UBE2W: variants seen among roughly 807,000 people sequenced by gnomAD.
UBE2W encodes the protein ubiquitin conjugating enzyme E2 W.
A neutral mutation model predicts 27.2 loss-of-function variants in UBE2W; 18 were observed. The observed-to-expected ratio is 0.66, with a 90% CI of 0.46 to 0.98. UBE2W has a LOEUF of 0.98. UBE2W is among the 50% of genes least tolerant of loss of function. UBE2W has a pLI of 0.00. For missense variants in UBE2W, 90 were observed against 180.2 expected, an observed-to-expected ratio of 0.50 and a Z score of 2.87; for synonymous variants, 53 against 57.2, an observed-to-expected ratio of 0.93 and a Z score of 0.33.
chr8:73,827,147 A>G (rs1286657307), intron 2 of UBE2W, among the ~76,000 whole-genome samples: 1 of 152,236 alleles, frequency 6.6e-6, no homozygotes, highest in Admixed American at 6.5e-5. Context: ...AATCCTTGTA[A>G]TATCTGCATG....
At chr8:73,864,879 C>T (rs571803569) in intron 1 of UBE2W, among the ~76,000 whole-genome samples, 1 of 151,778 alleles carries the variant, frequency 6.6e-6, no homozygotes, top group East Asian at 1.9e-4. Flanking sequence ...TGGGATTACA[C>T]GAATGAGCCA....
At chr8:73,822,469 T>C (rs190016166) in intron 3 of UBE2W, among the ~76,000 whole-genome samples, 2 of 152,046 alleles carry the variant, frequency 1.3e-5, no homozygotes, top group Non-Finnish European at 2.9e-5. Context: ...AATCATCTGT[T>C]GCCTGAGAGC....
At chr8:73,797,097 T>A (rs886305754) in intron 5 of UBE2W, among the ~76,000 whole-genome samples, 3 of 152,218 alleles carry the variant, frequency 2.0e-5, no homozygotes, top group African/African-American at 7.2e-5. Flanking sequence ...CTTTCAAATA[T>A]AACATACAAG....
At chr8:73,803,389 T>C (rs1459278343) in intron 5 of UBE2W, among the ~76,000 whole-genome samples, 1 of 152,200 alleles carries the variant, frequency 6.6e-6, no homozygotes, top group Non-Finnish European at 1.5e-5. Context: ...AAATGTTATA[T>C]TCAACTGGGC....
At chr8:73,794,902 A>AATGGG (rs1359662356) in intron 5 of UBE2W, among the ~76,000 whole-genome samples, 1 of 151,822 alleles carries the variant, frequency 6.6e-6, no homozygotes, top group Non-Finnish European at 1.5e-5. Context: ...GCTTTCAGCA[A>AATGGG]GTATAGATAC....
chr8:73,835,327 A>G (rs1464715908), intron 1 of UBE2W, among the ~76,000 whole-genome samples: 2 of 152,182 alleles, frequency 1.3e-5, no homozygotes, highest in Non-Finnish European at 1.5e-5. Context: ...AATTCCCAAC[A>G]AACTCTAAAG....
chr8:73,860,776 AAAC>A (rs1239523523), intron 1 of UBE2W, among the ~76,000 whole-genome samples: 2 of 152,190 alleles, frequency 1.3e-5, no homozygotes, highest in Non-Finnish European at 2.9e-5. Context: ...AAAAACAAAC[AAAC>A]AAAAAACCTA....
chr8:73,877,899 G>C (rs945335513), intron 1 of UBE2W, among the ~76,000 whole-genome samples: 19 of 152,208 alleles, frequency 1.2e-4, no homozygotes, highest in African/African-American at 4.6e-4. Context: ...AGTAAATTAA[G>C]TTGGAAAGCC....
chr8:73,831,081 C>A, intron 1 of UBE2W: 1 of 235,412 alleles, frequency 4.2e-6, no homozygotes, highest in South Asian at 6.5e-5. Flanking sequence ...TGTACTTCTT[C>A]ATCTGTATGC....
At position 73,810,522 on chromosome 8, in the gene UBE2W, T is replaced by C. The variant is rs746721692; in HGVS notation, c.318A>G (p.Gln106=). 2.9e-5 allele frequency: 47 copies of C among 1,612,656 alleles called. No individual in the cohort carries two copies. Among genetic ancestry groups the C allele is most frequent in the Middle Eastern group, 1.7e-4 (1 of 5,776 alleles). Residue 106 remains glutamine, a synonymous_variant, in exon 4 of 6, where the codon CAA becomes CAG. Coordinates refer to ENST00000602593, the MANE Select transcript of UBE2W (RefSeq NM_018299.6). ...TGCTAATAATGCTAAGACAAACTGA[T>C]TGGACTGAGAGCGCTGGGGACCAGT... ...TEDWSPALSV[Q]SVCLSIISML...
At chr8:73,869,056 AC>A (rs1194639489) in intron 1 of UBE2W, among the ~76,000 whole-genome samples, 4 of 152,244 alleles carry the variant, frequency 2.6e-5, no homozygotes, top group African/African-American at 9.6e-5. Context: ...AAACTGCAGT[AC>A]AACCAAAAAA....
At chr8:73,797,127 G>T (rs1302647371) in intron 5 of UBE2W, among the ~76,000 whole-genome samples, 1 of 152,078 alleles carries the variant, frequency 6.6e-6, no homozygotes, top group Admixed American at 6.6e-5. Context: ...TCAAAGAGGT[G>T]ACACCTACCA....
downstream of UBE2W, among the ~76,000 whole-genome samples, chr8:73,785,281 G>A (rs1807916644): frequency 6.6e-6 from 1 of 152,004 alleles, no homozygotes. Context: ...AAACAGTTGG[G>A]ATTACAGGCA....
chr8:73,876,893 G>GGAGGTGGAGGCT (rs1271195268), intron 1 of UBE2W, among the ~76,000 whole-genome samples: 1 of 152,140 alleles, frequency 6.6e-6, no homozygotes, highest in Non-Finnish European at 1.5e-5. Flanking sequence ...CTTGAACTCG[G>GGAGGTGGAGGCT]GAGGTGGAGG....
chr8:73,860,564 C>T (rs745456557), intron 1 of UBE2W, among the ~76,000 whole-genome samples: 8 of 151,892 alleles, frequency 5.3e-5, no homozygotes, highest in South Asian at 2.1e-4. Context: ...AAAAACCCTA[C>T]GAAAGAGGTA....
downstream of UBE2W, among the ~76,000 whole-genome samples, chr8:73,781,843 G>T (rs1807850924): frequency 6.6e-6 from 1 of 150,934 alleles, no homozygotes; most frequent in African/African-American, 2.4e-5. Flanking sequence ...GTGTGATTTT[G>T]GACAATTTGA....
intron 5 of UBE2W, among the ~76,000 whole-genome samples, 179 bp downstream of exon 5, chr8:73,805,472 C>CAAAAAAAAAAAAACAAAAAAAAAAAAAA: frequency 6.9e-5 from 3 of 43,674 alleles, no homozygotes; most frequent in Non-Finnish European, 9.9e-5. Context: ...AAAAAAAAAA[C>CAAAAAAAAAAAAACAAAAAAAAAAAAAA]AAAAAAAACT....
chr8:73,865,233 TACAA>T (rs1488716499), intron 1 of UBE2W, among the ~76,000 whole-genome samples: 1 of 143,020 alleles, frequency 7.0e-6, no homozygotes, highest in East Asian at 2.0e-4. Flanking sequence ...ATTTTAGGGT[TACAA>T]ACAAATGTTA....
intron 1 of UBE2W, among the ~76,000 whole-genome samples, chr8:73,844,229 A>G (rs150233268): frequency 0.14 from 16,904 of 121,094 alleles, 3,121 homozygotes; most frequent in African/African-American, 0.44. Flanking sequence ...CCGCCATCTC[A>G]ACTCACTGCA....
Sources: allele counts gnomAD v4.1 joint callset (sites outside exome capture counted in the v4.1 genomes callset), GRCh38; gene constraint gnomAD v4.1.1; transcripts MANE v1.5; gene names NCBI Gene and HGNC (gene_info 2026-07-23, HGNC 2026-07-21).